The following TNKS2 variants were observed in gnomAD, a reference collection of about 807,000 sequenced individuals.
The protein encoded by TNKS2 is poly [ADP-ribose] polymerase tankyrase-2.
A neutral mutation model predicts 137.6 loss-of-function variants in TNKS2; 72 were observed. That is an observed-to-expected ratio of 0.52 (90% confidence interval 0.43 to 0.64). The LOEUF is 0.64. TNKS2 is among the 30% of genes least tolerant of loss of function. TNKS2 has a pLI of 0.00. For missense variants in TNKS2, 1,049 were observed against 1,410.2 expected (o/e 0.74, Z 4.10); for synonymous variants, 516 against 512.1 (o/e 1.01, Z -0.10).
intron 11 of TNKS2, among the ~76,000 whole-genome samples, chr10:91,832,413 TC>T (rs1233825759): frequency 6.6e-6 from 1 of 151,976 alleles, no homozygotes; most frequent in African/African-American, 2.4e-5. Flanking sequence ...ACCAGGAAAG[TC>T]CTAGGCAAAC....
At chr10:91,828,524 C>A in intron 9 of TNKS2, 118 bp downstream of exon 9, 1 of 1,067,162 alleles carries the variant, frequency 9.4e-7, no homozygotes. Flanking sequence ...AAAATTACTG[C>A]CTATGCAAAT....
At chr10:91,815,703 T>G (rs1844670733) in intron 2 of TNKS2, among the ~76,000 whole-genome samples, 1 of 152,184 alleles carries the variant, frequency 6.6e-6, no homozygotes, top group Non-Finnish European at 1.5e-5. Context: ...TGTTTCTTTT[T>G]TTCATGTAGT....
Position 91,813,080 on chromosome 10 carries a change from C to T in TNKS2, c.297C>T (p.Cys99=), listed in dbSNP as rs1844561082. The change falls in exon 2 of 27, where the codon TGC becomes TGT. Residue 99 remains cysteine, a synonymous_variant. Transcript: ENST00000371627. ...GCCTTATTCCTCTTCATAATGCATG[C>T]TCTTTTGGTCATGCTGAAGTAGTCA... ...DGGLIPLHNA[C]SFGHAEVVNL... is the part of the protein sequence containing the mutation. 1 of 1,613,992 alleles carries T rather than the reference C, an allele frequency of 6.2e-7. No individual in the cohort carries two copies. Among genetic ancestry groups the T allele is most frequent in the South Asian group, 1.1e-5 (1 of 91,084 alleles).
Position 91,865,114 on chromosome 10 carries a change from A to G in TNKS2, c.*2115A>G, listed in dbSNP as rs1461270967. On this transcript the variant is annotated 3_prime_UTR_variant, in exon 27 of 27. Coordinates refer to ENST00000371627, the MANE Select transcript of TNKS2 (RefSeq NM_025235.4). Reference sequence around the variant, plus strand: ...TACGTTGCATGAAATAGCTTACTTTATAATGATGGAATTGCTTTTTCTTTT... The same window carrying G: ...TACGTTGCATGAAATAGCTTACTTTGTAATGATGGAATTGCTTTTTCTTTT... 2.0e-5 allele frequency: 3 copies of G among 151,308 alleles called. No homozygotes were observed. The highest frequency in any genetic ancestry group is 2.9e-5 in the Non-Finnish European group (2 of 67,824). The allele number at this position is 151,308 out of a possible 1,614,324, so 9.4% of individuals were successfully genotyped here. A position where few individuals can be genotyped will look rare whatever the true frequency, so the allele number is the denominator to read the frequency against.
chr10:91,837,107 T>A, intron 13 of TNKS2, 109 bp downstream of exon 13: 1 of 1,029,900 alleles, frequency 9.7e-7, no homozygotes, highest in Non-Finnish European at 1.3e-6. Context: ...GGGCCTTGCC[T>A]TAAAAGGTCA....
At position 91,842,283 on chromosome 10, in the gene TNKS2, G is replaced by A; in HGVS notation, c.1951G>A (p.Asp651Asn). 6.2e-7 allele frequency: 1 copy of A among 1,614,042 alleles called. No individual in the cohort carries two copies. The highest frequency in any genetic ancestry group is 8.5e-7 in the Non-Finnish European group (1 of 1,179,924). ...DLLRGDAALL[D>N]AAKKGCLARV... is the part of the protein sequence containing the mutation. The stretch of plus-strand genomic sequence containing the variant: ...GCTTAGGGGAGATGCAGCTTTGCTA[G>A]ATGCTGCCAAGAAGGGTTGTTTAGC... The change falls in exon 16 of 27, where the codon GAT becomes AAT. Residue 651 changes from aspartate to asparagine, a missense_variant. Asp to Asn is a conservative substitution (Grantham distance 23). Coordinates refer to ENST00000371627, the MANE Select transcript of TNKS2 (RefSeq NM_025235.4).
rs1842864304 is a variant in TNKS2, at chr10:91,861,942, G to A, written c.3282-57G>A. The A allele has an allele frequency of 2.7e-6, 4 of 1,497,554 alleles. No homozygotes were observed. The South Asian group carries it at 5.3e-5, about 20-fold the overall frequency. 92.8% of individuals were successfully genotyped at this position (1,497,554 alleles called of 1,614,324 possible). On this transcript the variant is annotated intron_variant, in intron 25 of 26. Transcript: ENST00000371627. Reference sequence around the variant, plus strand: ...AAAACTTATGCCGTGTCCACACATTGTCATATTTATGTATCAAATTTGACT... The same window carrying A: ...AAAACTTATGCCGTGTCCACACATTATCATATTTATGTATCAAATTTGACT...
At position 91,817,131 on chromosome 10, in the gene TNKS2, C is replaced by T. The variant is rs1050394796; in HGVS notation, c.425-3C>T. 1 of 1,604,774 alleles carries T rather than the reference C, an allele frequency of 6.2e-7. No homozygotes were observed. The highest frequency in any genetic ancestry group is 8.5e-7 in the Non-Finnish European group (1 of 1,172,772). On this transcript the variant is annotated splice_polypyrimidine_tract_variant and splice_region_variant and intron_variant, in intron 2 of 26. Coordinates refer to ENST00000371627, the MANE Select transcript of TNKS2 (RefSeq NM_025235.4). ...ACTTCAAAATAGTGTTGCTATTTTG[C>T]AGTGCTGTTACAGCATGGAGCTGAG...
chr10:91,861,951 A>G (rs771960089), intron 25 of TNKS2, 48 bp from the exon 26 acceptor site: 24 of 1,522,986 alleles, frequency 1.6e-5, no homozygotes, highest in Non-Finnish European at 2.0e-5. Flanking sequence ...TGTCATATTT[A>G]TGTATCAAAT....
intron 2 of TNKS2, among the ~76,000 whole-genome samples, chr10:91,814,862 T>G (rs964760485): frequency 6.6e-6 from 1 of 152,198 alleles, no homozygotes; most frequent in African/African-American, 2.4e-5. Flanking sequence ...AGTATATCCC[T>G]GTCATTAAGT....
intron 18 of TNKS2, among the ~76,000 whole-genome samples, chr10:91,847,797 G>C (rs1842422128): frequency 1.3e-5 from 2 of 152,174 alleles, no homozygotes; most frequent in Non-Finnish European, 2.9e-5. Flanking sequence ...TGTGTAGGTT[G>C]AATTACTTCT....
At position 91,836,903 on chromosome 10, in the gene TNKS2, T is replaced by C. The variant is rs1446155415; in HGVS notation, c.1448-16T>C. ...AATAGAGGTTAGTCACTCTTCTCTC[T>C]CTCTCTCTTTTTTAGAGGGTATCTC... is the stretch of plus-strand genomic sequence containing the variant. On this transcript the variant is annotated splice_polypyrimidine_tract_variant and intron_variant, in intron 12 of 26. Transcript: ENST00000371627. 6.2e-7 allele frequency: 1 copy of C among 1,608,102 alleles called. No individual in the cohort carries two copies. Among genetic ancestry groups the C allele is most frequent in the Non-Finnish European group, 8.5e-7 (1 of 1,177,734 alleles).
intron 13 of TNKS2, among the ~76,000 whole-genome samples, chr10:91,837,451 A>C (rs929408891): frequency 6.6e-6 from 1 of 152,232 alleles, no homozygotes; most frequent in Non-Finnish European, 1.5e-5. Flanking sequence ...TAATAAATAC[A>C]ATGTTGCCAC....
In TNKS2 at chr10:91,859,660, C is replaced by T. The variant is rs374318663; in HGVS notation, c.3281+12C>T. 5.0e-6 allele frequency: 8 copies of T among 1,601,754 alleles called. No homozygotes were observed. The highest frequency in any genetic ancestry group is 6.8e-6 in the Non-Finnish European group (8 of 1,174,260). On this transcript the variant is annotated intron_variant, in intron 25 of 26. Coordinates refer to ENST00000371627, the MANE Select transcript of TNKS2 (RefSeq NM_025235.4). ...TACATTTGCCACAGGTAAGAGATCA[C>T]TTGTTCTCATTTATTTTGGTGGTAA...
At chr10:91,859,078 A>G (rs1842786704) in intron 24 of TNKS2, among the ~76,000 whole-genome samples, 1 of 152,178 alleles carries the variant, frequency 6.6e-6, no homozygotes, top group East Asian at 1.9e-4. Flanking sequence ...AAAAGCACAC[A>G]GGCATAGGCA....
chr10:91,823,326 T>G (rs1319894977), intron 7 of TNKS2, among the ~76,000 whole-genome samples: 10 of 15,810 alleles, frequency 6.3e-4, no homozygotes, highest in African/African-American at 7.5e-4. Flanking sequence ...TTTGGTTTTT[T>G]TTTTTTTTTT....
At chr10:91,805,068 A>G (rs1844282602) in intron 1 of TNKS2, among the ~76,000 whole-genome samples, 1 of 151,618 alleles carries the variant, frequency 6.6e-6, no homozygotes, top group African/African-American at 2.4e-5. Flanking sequence ...CCAGCCAGGA[A>G]GTATCTTCAA....
Position 91,836,982 on chromosome 10 carries a change from A to G in TNKS2, c.1511A>G (p.Asp504Gly). Residue 504 changes from aspartate (D) to glycine (G), a missense_variant, in exon 13 of 27, where the codon GAT becomes GGT. Coordinates refer to ENST00000371627, the MANE Select transcript of TNKS2 (RefSeq NM_025235.4). ...RQLLEAAKAG[D>G]VETVKKLCTV... is the part of the protein sequence containing the mutation. Reference sequence around the variant, plus strand: ...TTGCTGGAAGCTGCAAAGGCTGGAGATGTCGAAACTGTAAAAGTAAGATAC... The same window carrying G: ...TTGCTGGAAGCTGCAAAGGCTGGAGGTGTCGAAACTGTAAAAGTAAGATAC... 6.2e-7 allele frequency: 1 copy of G among 1,613,384 alleles called. No individual in the cohort carries two copies. Among genetic ancestry groups the G allele is most frequent in the Non-Finnish European group, 8.5e-7 (1 of 1,179,664 alleles).
chr10:91,848,415 C>T lies in TNKS2; in HGVS notation c.2391C>T (p.Ala797=). 1 of 1,614,172 alleles carries T rather than the reference C, an allele frequency of 6.2e-7. No homozygotes were observed. Reference sequence around the variant, plus strand: ...ATGTCAGCGCTCTTCTGACAGCAGCCATGCCCCCATCTGCTCTGCCCTCTT... The same window carrying T: ...ATGTCAGCGCTCTTCTGACAGCAGCTATGCCCCCATCTGCTCTGCCCTCTT... ...ADDVSALLTA[A]MPPSALPSCY... The change falls in exon 19 of 27, where the codon GCC becomes GCT. Residue 797 remains alanine (A), a synonymous_variant. Transcript: ENST00000371627.
Sources: gnomAD v4.1 joint callset for allele counts (sites outside exome capture counted in the v4.1 genomes callset) on GRCh38, gnomAD v4.1.1 for gene constraint, MANE v1.5 for transcripts, NCBI Gene and HGNC (gene_info 2026-07-23, HGNC 2026-07-21) for gene names.